INF2: variants seen among roughly 807,000 people sequenced by gnomAD.
The protein encoded by INF2 is inverted formin-2.
In INF2, 43 loss-of-function variants were observed where a neutral mutation model predicts 123.5. The observed-to-expected ratio is 0.35, with a 90% CI of 0.27 to 0.45. The LOEUF is 0.45. INF2 is among the 20% of genes least tolerant of loss of function. The pLI, the probability that INF2 is intolerant of heterozygous loss-of-function variation, is 1.00. For synonymous variants in INF2, 851 were observed against 745.0 expected, an observed-to-expected ratio of 1.14 and a Z score of -2.32; for missense variants, 1,453 against 1,682.7, an observed-to-expected ratio of 0.86 and a Z score of 2.39.
In INF2 at chr14:104,710,951, C is replaced by T. The variant is rs749405096; in HGVS notation, c.2254C>T (p.Arg752Cys). The T allele has an allele frequency of 1.3e-5, 21 of 1,612,310 alleles. No homozygotes were observed. Among genetic ancestry groups the T allele is most frequent in the African/African-American group, 9.3e-5 (7 of 74,894 alleles). Residue 752 changes from arginine to cysteine, a missense_variant, in exon 14 of 23, where the codon CGC becomes TGC. Arg to Cys is a radical substitution (Grantham distance 180). Coordinates refer to ENST00000392634, the MANE Select transcript of INF2 (RefSeq NM_022489.4). ...LAACESLLTSRQLPIFCQLIL... is the reference protein window; with the variant it reads ...LAACESLLTSCQLPIFCQLIL... ...TGCCCCTGCAGGCCTGCTCACCAGC[C>T]GCCAGCTGCCCATCTTCTGCCAGCT...
chr14:104,689,538 C>A, upstream of INF2: 2 of 854,002 alleles, frequency 2.3e-6, no homozygotes, highest in Admixed American at 6.2e-5. Flanking sequence ...GCCCCCGGCC[C>A]GCGCTCGCTC....
At chr14:104,714,075 A>G in intron 20 of INF2, 128 bp from the exon 21 acceptor site, 1 of 800,316 alleles carries the variant, frequency 1.2e-6, no homozygotes, top group Non-Finnish European at 1.9e-6. Flanking sequence ...GCTCTGAGAC[A>G]TCAGAGGAGG....
rs1242358408 is a variant in INF2 at position 104,710,213 on chromosome 14, T to C, written c.2239+25T>C. On this transcript the variant is annotated intron_variant, in intron 13 of 22. Transcript: ENST00000392634. ...AGTGAGTGGGGCCAAGCGGGGCACGTGTGCAGGAGGGACAGGCCTCCGAAC... is the reference window on the plus strand; with the variant it reads ...AGTGAGTGGGGCCAAGCGGGGCACGCGTGCAGGAGGGACAGGCCTCCGAAC... The C allele has an allele frequency of 3.3e-6, 5 of 1,508,480 alleles. No individual in the cohort carries two copies. In the Admixed American group the frequency reaches 9.8e-5, roughly 30 times the overall value. The allele number at this position is 1,508,480 out of a possible 1,614,324, so 93.4% of individuals were successfully genotyped here. A position where few individuals can be genotyped will look rare whatever the true frequency, so the allele number is the denominator to read the frequency against.
intron 1 of INF2, among the ~76,000 whole-genome samples, chr14:104,690,891 A>G (rs72713898): frequency 0.11 from 15,980 of 152,180 alleles, 981 homozygotes; most frequent in Non-Finnish European, 0.13. Context: ...TGCAGCAAAT[A>G]GTAGCATTGG....
rs576375214 is a variant in INF2 at position 104,699,579 on chromosome 14, G to A, written c.-9-1778G>A. On this transcript the variant is annotated intron_variant, in intron 1 of 22. Coordinates refer to ENST00000392634, the MANE Select transcript of INF2 (RefSeq NM_022489.4). This position sits in a 1 kb window ranked among gnomAD's most constrained non-coding sequence, Gnocchi z 4.7. ...CCAGAGTGGGTGGGCAGAGGTGGCCGGAAGGTCTTGCGCATCTGGGTGAGT... is the reference window on the plus strand; with the variant it reads ...CCAGAGTGGGTGGGCAGAGGTGGCCAGAAGGTCTTGCGCATCTGGGTGAGT... 47 of 984,668 alleles carry A rather than the reference G, an allele frequency of 4.8e-5. No individual in the cohort carries two copies. The highest frequency in any genetic ancestry group is 2.8e-4 in the African/African-American group (16 of 57,104). 61.0% of individuals were successfully genotyped at this position (984,668 alleles called of 1,614,324 possible).
At position 104,704,429 on chromosome 14, in the gene INF2, C is replaced by T. The variant is rs142289937; in HGVS notation, c.701+480C>T. 122 of 215,846 alleles carry T rather than the reference C, an allele frequency of 5.7e-4. 1 individual carries two copies. Among genetic ancestry groups the T allele is most frequent in the Admixed American group, 4.8e-3 (92 of 19,228 alleles). 13.4% of individuals were successfully genotyped at this position (215,846 alleles called of 1,614,324 possible). On this transcript the variant is annotated intron_variant, in intron 5 of 22. Coordinates refer to ENST00000392634, the MANE Select transcript of INF2 (RefSeq NM_022489.4). Reference sequence around the variant, plus strand: ...ACAAGGGTCCCCAACCGCCAGGCTGCGGACCGGTACCTGGCCTATTGGAAC... The same window carrying T: ...ACAAGGGTCCCCAACCGCCAGGCTGTGGACCGGTACCTGGCCTATTGGAAC...
intron 1 of INF2, among the ~76,000 whole-genome samples, chr14:104,682,302 T>C (rs1888544327): frequency 6.6e-6 from 1 of 151,780 alleles, no homozygotes; most frequent in South Asian, 2.1e-4. Flanking sequence ...AGCGGGGAAG[T>C]GCTGGCCTTC....
At chr14:104,715,634 T>A in intron 22 of INF2, 1 of 591,884 alleles carries the variant, frequency 1.7e-6, no homozygotes, top group Non-Finnish European at 3.1e-6. Context: ...CCGGACTCCC[T>A]TAGCAAGCAG....
In INF2 at chr14:104,707,848, C is replaced by T. The variant is rs928182488; in HGVS notation, c.1581C>T (p.Ser527=). 3.1e-6 allele frequency: 5 copies of T among 1,602,564 alleles called. No homozygotes were observed. Among genetic ancestry groups the T allele is most frequent in the Non-Finnish European group, 3.4e-6 (4 of 1,176,926 alleles). ...PPPPLLPCTC[S]PPVAGGMEEV... ...CTCCACTACTGCCCTGCACCTGCAG[C>T]CCCCCCGTGGCGGGAGGCATGGAGG... is the stretch of plus-strand genomic sequence containing the variant. The change falls in exon 8 of 23, where the codon AGC becomes AGT. Residue 527 remains serine, a synonymous_variant. Coordinates refer to ENST00000392634, the MANE Select transcript of INF2 (RefSeq NM_022489.4).
intron 1 of INF2, among the ~76,000 whole-genome samples, chr14:104,681,904 A>C (rs4983523): frequency 2.0e-5 from 3 of 152,100 alleles, no homozygotes; most frequent in Non-Finnish European, 2.9e-5. Context: ...AACCGGATGC[A>C]AGTGGAGATT....
chr14:104,688,945 T>C (rs1327568715), upstream of INF2, among the ~76,000 whole-genome samples: 1 of 152,092 alleles, frequency 6.6e-6, no homozygotes, highest in Non-Finnish European at 1.5e-5. Flanking sequence ...AGGAGACAGA[T>C]GAGGCCGGAC....
Position 104,699,318 on chromosome 14 carries a change from G to A in INF2, c.-9-2039G>A. 1 of 837,344 alleles carries A rather than the reference G, an allele frequency of 1.2e-6. No individual in the cohort carries two copies. Among genetic ancestry groups the A allele is most frequent in the Admixed American group, 6.2e-5 (1 of 16,054 alleles). 51.9% of individuals were successfully genotyped at this position (837,344 alleles called of 1,614,324 possible). On this transcript the variant is annotated intron_variant, in intron 1 of 22. Transcript: ENST00000392634. This position sits in a 1 kb window ranked among gnomAD's most constrained non-coding sequence, Gnocchi z 4.7. Reference sequence around the variant, plus strand: ...AGGGACTCCGGCCAATGGAGGCGGGGGAGGAAAGGAGGGTCAGTTCTGGGG... The same window carrying A: ...AGGGACTCCGGCCAATGGAGGCGGGAGAGGAAAGGAGGGTCAGTTCTGGGG...
chr14:104,685,984 T>C, upstream of INF2, among the ~76,000 whole-genome samples: 1 of 86,664 alleles, frequency 1.2e-5, no homozygotes, highest in South Asian at 4.2e-4. Flanking sequence ...GGTGGGTAGG[T>C]GGATGGATGG....
In INF2 at chr14:104,683,627, G is replaced by GAC. The variant is rs141566233; in HGVS notation, c.-104+2063_-104+2064dup. ...CCCCCCTCCCCACCACACACACACAGACACACACACACACACACAAATTAC... is the reference window on the plus strand; with the variant it reads ...CCCCCCTCCCCACCACACACACACAGACACACACACACACACACACAAATTAC... On this transcript the variant is annotated intron_variant, in intron 1 of 2. Transcript: ENST00000674723. 4.3e-3 allele frequency among the ~76,000 whole-genome samples: 505 copies of GAC among 117,150 alleles called. 5 individuals are homozygous for GAC. The highest frequency in any genetic ancestry group is 0.014 in the African/African-American group (427 of 29,812). 76.9% of individuals were successfully genotyped at this position (117,150 alleles called of 152,430 possible). A position where few individuals can be genotyped will look rare whatever the true frequency, so the allele number is the denominator to read the frequency against.
At position 104,709,318 on chromosome 14, in the gene INF2, G is replaced by A; in HGVS notation, c.1987G>A (p.Asp663Asn). 1 of 1,613,160 alleles carries A rather than the reference G, an allele frequency of 6.2e-7. No homozygotes were observed. Among genetic ancestry groups the A allele is most frequent in the South Asian group, 1.1e-5 (1 of 91,082 alleles). ...EEVAAMIRAGDTTKFDVEVLK... is the reference protein window; with the variant it reads ...EEVAAMIRAGNTTKFDVEVLK... ...GGTCGCTGCTATGATCCGGGCTGGA[G>A]ATACCACCAAGTTTGATGTGGAGGT... Residue 663 changes from aspartate to asparagine, a missense_variant, in exon 11 of 23, where the codon GAT becomes AAT. This residue lies in a region of INF2 where 192 missense variants were observed against 274.4 expected (regional missense o/e 0.70). Coordinates refer to ENST00000392634, the MANE Select transcript of INF2 (RefSeq NM_022489.4).
chr14:104,683,810 G>T (rs986024311), intron 1 of INF2, among the ~76,000 whole-genome samples: 1 of 152,116 alleles, frequency 6.6e-6, no homozygotes, highest in East Asian at 1.9e-4. Flanking sequence ...GGCCTGCCCT[G>T]AGCCCTCTCC....
chr14:104,705,908 C>A, intron 5 of INF2, 127 bp from the exon 6 acceptor site: 1 of 1,200,712 alleles, frequency 8.3e-7, no homozygotes, highest in Non-Finnish European at 1.2e-6. Flanking sequence ...CCACAGCTGG[C>A]TATGGCCTGG....
intron 13 of INF2, among the ~76,000 whole-genome samples, chr14:104,710,502 G>A (rs1028527575): frequency 1.3e-5 from 2 of 151,410 alleles, no homozygotes; most frequent in East Asian, 1.9e-4. Context: ...CATGCACACC[G>A]CCACTCGGGC....
rs534482135 is a variant in INF2, at chr14:104,718,471, T to C, written c.*2-324T>C. ...GGGGGTGGCAGTGGGGATGAATGAG[T>C]AAGGACAGAGTGCAGCCTGGGTCTC... On this transcript the variant is annotated intron_variant, in intron 22 of 22. Coordinates refer to ENST00000392634, the MANE Select transcript of INF2 (RefSeq NM_022489.4). 3.3e-5 allele frequency among the ~76,000 whole-genome samples: 5 copies of C among 150,806 alleles called. No homozygotes were observed. In the South Asian group the frequency reaches 1.0e-3, roughly 32 times the overall value.
Sources: allele counts gnomAD v4.1 joint callset (sites outside exome capture counted in the v4.1 genomes callset), GRCh38; gene constraint gnomAD v4.1.1; regional missense constraint gnomAD v4.1.1; non-coding constraint Gnocchi (gnomAD v3.1); transcripts MANE v1.5; gene names NCBI Gene and HGNC (gene_info 2026-07-23, HGNC 2026-07-21).